Variants in IMMP2L observed in about 807,000 individuals in gnomAD.
IMMP2L encodes inner mitochondrial membrane peptidase subunit 2.
Under a neutral mutation model 19.3 loss-of-function variants are expected in IMMP2L, and 18 were observed. That is an observed-to-expected ratio of 0.93 (90% confidence interval 0.64 to 1.38). The LOEUF is 1.38. Among genes scored for constraint, IMMP2L ranks in the 40% most tolerant of loss-of-function variants. The pLI, the probability that IMMP2L is intolerant of heterozygous loss-of-function variation, is 0.00. For synonymous variants in IMMP2L, 76 were observed against 73.0 expected, an observed-to-expected ratio of 1.04 and a Z score of -0.21; for missense variants, 233 against 218.2, an observed-to-expected ratio of 1.07 and a Z score of -0.43.
At chr7:110,806,769 C>T (rs1276862905) in intron 5 of IMMP2L, among the ~76,000 whole-genome samples, 2 of 151,622 alleles carry the variant, frequency 1.3e-5, no homozygotes. Context: ...TTTTAAATCC[C>T]CCTTTGAAAT....
At chr7:111,157,580 A>T (rs558363862) in intron 3 of IMMP2L, among the ~76,000 whole-genome samples, 5 of 152,090 alleles carry the variant, frequency 3.3e-5, no homozygotes, top group Admixed American at 3.3e-4. Flanking sequence ...GCTAGGAAGC[A>T]TATTGGAGAA....
chr7:110,916,656 G>A (rs867519935), intron 4 of IMMP2L, among the ~76,000 whole-genome samples: 74 of 152,262 alleles, frequency 4.9e-4, no homozygotes, highest in African/African-American at 1.6e-3. Flanking sequence ...AGTCTGGCAG[G>A]AATGCCAAAT....
intron 3 of IMMP2L, among the ~76,000 whole-genome samples, chr7:111,478,417 G>A (rs1165746614): frequency 6.6e-6 from 1 of 151,772 alleles, no homozygotes; most frequent in Non-Finnish European, 1.5e-5. Context: ...TTGGAGAGAG[G>A]GTCTTACTCT....
At chr7:111,218,628 CGAGATGGGA>C (rs1435870734) in intron 3 of IMMP2L, among the ~76,000 whole-genome samples, 8 of 152,074 alleles carry the variant, frequency 5.3e-5, no homozygotes, top group African/African-American at 1.9e-4. Flanking sequence ...GTGAAAGTCT[CGAGATGGGA>C]GAACTCCAAT....
chr7:110,861,546 T>A (rs1807434007), intron 5 of IMMP2L, among the ~76,000 whole-genome samples: 1 of 152,044 alleles, frequency 6.6e-6, no homozygotes, highest in Non-Finnish European at 1.5e-5. Flanking sequence ...TTTATAGGTG[T>A]GAGCCACCAC....
At chr7:110,901,424 T>C (rs1585195477) in intron 4 of IMMP2L, among the ~76,000 whole-genome samples, 1 of 152,170 alleles carries the variant, frequency 6.6e-6, no homozygotes, top group Non-Finnish European at 1.5e-5. Context: ...CAGTTTCATA[T>C]ACTATCTTAA....
At chr7:111,046,769 A>G (rs1386808208) in intron 3 of IMMP2L, among the ~76,000 whole-genome samples, 2 of 152,150 alleles carry the variant, frequency 1.3e-5, no homozygotes, top group African/African-American at 4.8e-5. Context: ...AAATGATAAC[A>G]ATAATTTACA....
At position 111,201,832 on chromosome 7, in the gene IMMP2L, T is replaced by G. The variant is rs529895428; in HGVS notation, c.240-238267A>C. Reference sequence around the variant, plus strand: ...CTTATAAAAGAGGCTAAAGAGCTTGTTTGCCCCTTCCATCATGTGGGAACA... The same window carrying G: ...CTTATAAAAGAGGCTAAAGAGCTTGGTTGCCCCTTCCATCATGTGGGAACA... On this transcript the variant is annotated intron_variant, in intron 3 of 5. Coordinates refer to ENST00000405709, the MANE Select transcript of IMMP2L (RefSeq NM_032549.4). 4.6e-5 allele frequency among the ~76,000 whole-genome samples: 7 copies of G among 152,210 alleles called. No homozygotes were observed. The South Asian group carries it at 1.2e-3, about 27-fold the overall frequency.
intron 3 of IMMP2L, among the ~76,000 whole-genome samples, chr7:111,070,993 G>C (rs547039901): frequency 6.6e-6 from 1 of 152,000 alleles, no homozygotes; most frequent in African/African-American, 2.4e-5. Context: ...AAAGTTTATA[G>C]CTTGTAAAGA....
intron 5 of IMMP2L, among the ~76,000 whole-genome samples, chr7:110,666,279 G>A (rs1384707381): frequency 6.6e-6 from 1 of 151,310 alleles, no homozygotes; most frequent in Non-Finnish European, 1.5e-5. Flanking sequence ...TTGTTTGTTT[G>A]TTTGTTTGCT....
intron 3 of IMMP2L, among the ~76,000 whole-genome samples, chr7:111,004,934 C>T (rs1030516282): frequency 3.3e-5 from 5 of 152,142 alleles, no homozygotes; most frequent in African/African-American, 1.2e-4. Flanking sequence ...CTTATCACAT[C>T]AAAGCTATTA....
At chr7:111,325,390 A>C (rs148561393) in intron 3 of IMMP2L, among the ~76,000 whole-genome samples, 29 of 151,810 alleles carry the variant, frequency 1.9e-4, no homozygotes, top group African/African-American at 6.3e-4. Flanking sequence ...GATAAGTACA[A>C]ATGTGAAAGC....
intron 3 of IMMP2L, among the ~76,000 whole-genome samples, chr7:111,141,143 A>C (rs1802836692): frequency 6.6e-6 from 1 of 152,158 alleles, no homozygotes; most frequent in Admixed American, 6.5e-5. Context: ...CTGGGGATGG[A>C]GAAAGCAAAA....
chr7:111,492,212 T>A (rs1192206463), intron 2 of IMMP2L: 2 of 170,424 alleles, frequency 1.2e-5, no homozygotes, highest in Admixed American at 1.3e-4. Context: ...CACATTTTAG[T>A]GGAAAGAATT....
chr7:110,886,657 C>A lies in IMMP2L; in HGVS notation c.344G>T (p.Arg115Leu), dbSNP rs757761642. ...GHKNRYVKVP[R>L]GHIWVEGDHH... is the part of the protein sequence containing the mutation. ...ATCACCTTCAACCCAGATGTGACCA[C>A]GGGGGACTTTGACATACCGGTTTTT... Residue 115 changes from arginine to leucine, a missense_variant, in exon 5 of 6, where the codon CGT becomes CTT. Arg to Leu is a moderately radical substitution (Grantham distance 102). Coordinates refer to ENST00000405709, the MANE Select transcript of IMMP2L (RefSeq NM_032549.4). 12 of 1,608,516 alleles carry A rather than the reference C, an allele frequency of 7.5e-6. No individual in the cohort carries two copies. The highest frequency in any genetic ancestry group is 1.0e-5 in the Non-Finnish European group (12 of 1,175,288).
intron 5 of IMMP2L, among the ~76,000 whole-genome samples, chr7:110,696,425 CT>C (rs374621101): frequency 5.6e-4 from 67 of 119,838 alleles, no homozygotes; most frequent in East Asian, 2.0e-3. Context: ...TCCTTTTTCT[CT>C]TTTTTTTTTT....
intron 5 of IMMP2L, among the ~76,000 whole-genome samples, chr7:110,771,770 C>A (rs912598341): frequency 3.9e-5 from 6 of 152,240 alleles, no homozygotes; most frequent in South Asian, 2.1e-4. Context: ...ATTCTAATGG[C>A]TTTACACATA....
At chr7:111,454,401 A>T (rs1050416181) in intron 3 of IMMP2L, among the ~76,000 whole-genome samples, 1 of 152,048 alleles carries the variant, frequency 6.6e-6, no homozygotes, top group African/African-American at 2.4e-5. Context: ...CATAGCTTTG[A>T]TTCTGCTCTC....
chr7:111,046,685 A>G (rs1323923340), intron 3 of IMMP2L, among the ~76,000 whole-genome samples: 1 of 152,232 alleles, frequency 6.6e-6, no homozygotes, highest in Non-Finnish European at 1.5e-5. Flanking sequence ...TAAAAGATGA[A>G]TATCATTCAA....
Sources: gnomAD v4.1 joint callset for allele counts (sites outside exome capture counted in the v4.1 genomes callset) on GRCh38, gnomAD v4.1.1 for gene constraint, MANE v1.5 for transcripts, NCBI Gene and HGNC (gene_info 2026-07-23, HGNC 2026-07-21) for gene names.